The following KCP variants were observed in gnomAD, a reference collection of about 807,000 sequenced individuals.
KCP encodes kielin cysteine rich BMP regulator, also known as kielin/chordin-like protein.
KCP carries 194 observed loss-of-function variants against 212.7 expected under a neutral mutation model. That is an observed-to-expected ratio of 0.91 (90% confidence interval 0.81 to 1.03). The LOEUF is 1.03. KCP is among the 50% of genes least tolerant of loss of function. KCP has a pLI of 0.00. For synonymous variants in KCP, 833 were observed against 865.3 expected (o/e 0.96, Z 0.65); for missense variants, 2,080 against 2,162.5 (o/e 0.96, Z 0.76).
intron 34 of KCP, 77 bp downstream of exon 34, chr7:128,880,309 T>C (rs1793249121): frequency 6.9e-7 from 1 of 1,447,324 alleles, no homozygotes; most frequent in Non-Finnish European, 9.2e-7. Context: ...CCCTCTCTGA[T>C]GCCTGGTCAC....
In KCP at chr7:128,892,865, T is replaced by TCAC; in HGVS notation, c.1420+1_1420+3dup. On this transcript the variant is annotated splice_donor_region_variant and intron_variant, in intron 14 of 39. Coordinates refer to ENST00000610776, the MANE Select transcript of KCP (RefSeq NM_001366122.1). ...AGAAAGCCAGGATCAGCCCAGGCAC[T>TCAC]CACCAGGGGGCTGGGTGGGGTGCTG... is the stretch of plus-strand genomic sequence containing the variant. 1.3e-6 allele frequency: 2 copies of TCAC among 1,550,662 alleles called. No homozygotes were observed. The highest frequency in any genetic ancestry group is 2.4e-5 in the South Asian group (2 of 84,030).
At position 128,887,353 on chromosome 7, in the gene KCP, G is replaced by T. The variant is rs1585209065; in HGVS notation, c.2513-53C>A. 3.7e-5 allele frequency: 49 copies of T among 1,319,104 alleles called. No individual in the cohort carries two copies. The East Asian group carries it at 1.2e-3, about 32-fold the overall frequency. The allele number at this position is 1,319,104 out of a possible 1,614,324, so 81.7% of individuals were successfully genotyped here. ...AGCTGCCATCAACAGAACCTCCACT[G>T]TCACACACACACACAGCCCCTCCCC... On this transcript the variant is annotated intron_variant, in intron 22 of 39. Transcript: ENST00000610776.
chr7:128,891,210 C>T lies in KCP; in HGVS notation c.1947G>A (p.Pro649=). ...PLPCPEPVLL[P]GECCPQCPAA... is the part of the protein sequence containing the mutation. ...CTGGGCACTGCGGGCAGCACTCTCC[C>T]GGCAGCAGGACAGGCTCTGGACAGG... The change falls in exon 19 of 40, where the codon CCG becomes CCA. Residue 649 remains proline, a synonymous_variant. Transcript: ENST00000610776. The T allele has an allele frequency of 6.5e-7, 1 of 1,544,922 alleles. No individual in the cohort carries two copies. Among genetic ancestry groups the T allele is most frequent in the South Asian group, 1.2e-5 (1 of 84,030 alleles).
chr7:128,879,294 T>TA (rs1793174742), intron 37 of KCP: 1 of 553,438 alleles, frequency 1.8e-6, no homozygotes, highest in Admixed American at 3.1e-5. Flanking sequence ...GGTGGTGGCT[T>TA]AAGAGGCTGA....
Position 128,907,324 on chromosome 7 carries a change from A to T in KCP, c.349T>A (p.Cys117Ser). Residue 117 changes from cysteine to serine, a missense_variant, in exon 3 of 40, where the codon TGC becomes AGC. Physicochemically the swap from Cys to Ser is moderately radical, Grantham distance 112. Transcript: ENST00000610776. ...TGAGCGGCCCCATCCTGGCAGACGC[A>T]GGCTGTGCAGGCGTCAGGCTCCCAG... Reference protein sequence around the residue: ...ARWEPDACTACVCQDGAAHCG... With the variant: ...ARWEPDACTASVCQDGAAHCG... 6.5e-7 allele frequency: 1 copy of T among 1,541,974 alleles called. No individual in the cohort carries two copies.
intron 8 of KCP, among the ~76,000 whole-genome samples, chr7:128,896,618 C>T (rs1391947723): frequency 1.3e-5 from 2 of 152,048 alleles, no homozygotes; most frequent in South Asian, 2.1e-4. Context: ...TGGCCGGTCG[C>T]GGTGGCTCAC....
intron 2 of KCP, 130 bp downstream of exon 2, chr7:128,908,294 GAA>G (rs1795258294): frequency 1.5e-6 from 1 of 670,782 alleles, no homozygotes; most frequent in East Asian, 3.6e-5. Context: ...AAGAAAGAAA[GAA>G]AGAAAGAAAG....
chr7:128,908,251 G>GAAGAAAGA (rs370653893), intron 2 of KCP, among the ~76,000 whole-genome samples, 175 bp downstream of exon 2: 12,671 of 100,996 alleles, frequency 0.13, 1,075 homozygotes, highest in Middle Eastern at 0.14. Context: ...AAGAAAGAAA[G>GAAGAAAGA]AAGAAAGAAA....
At chr7:128,887,965 A>G (rs1793788838) in intron 22 of KCP, among the ~76,000 whole-genome samples, 2 of 147,700 alleles carry the variant, frequency 1.4e-5, no homozygotes, top group Admixed American at 1.4e-4. Flanking sequence ...CCCCACATAC[A>G]CAGATGCACA....
chr7:128,889,153 G>C, intron 21 of KCP, 114 bp from the exon 22 acceptor site: 1 of 800,224 alleles, frequency 1.2e-6, no homozygotes, highest in Non-Finnish European at 1.8e-6. Flanking sequence ...AAGATCTAGC[G>C]TGGGGGCTGG....
intron 37 of KCP, chr7:128,879,159 C>T: frequency 2.8e-6 from 1 of 357,108 alleles, no homozygotes; most frequent in Non-Finnish European, 5.1e-6. Flanking sequence ...ATTACTCTTC[C>T]ACATGAGAGT....
chr7:128,894,861 G>C (rs1485519676), intron 8 of KCP, among the ~76,000 whole-genome samples: 1 of 152,204 alleles, frequency 6.6e-6, no homozygotes, highest in East Asian at 1.9e-4. Flanking sequence ...ACCTGTCTTG[G>C]TCTCCCAAAG....
In KCP at chr7:128,877,779, C is replaced by A. The variant is rs1309523018; in HGVS notation, c.4323G>T (p.Gly1441=). 3.2e-6 allele frequency: 5 copies of A among 1,547,548 alleles called. No homozygotes were observed. Among genetic ancestry groups the A allele is most frequent in the African/African-American group, 2.7e-5 (2 of 73,024 alleles). Residue 1441 remains glycine, a synonymous_variant, in exon 39 of 40, where the codon GGG becomes GGT. Transcript: ENST00000610776. ...CAGAACAGGGCCGGCCAGGCCACAG[C>A]CCCTCTGAGACCTGGGTGGGGAGAG... The part of the protein sequence containing the change: ...AFGNSWQVSE[G]LWPGRPCSAG...
In KCP at chr7:128,894,400, A is replaced by G. The variant is rs1585232328; in HGVS notation, c.832-107T>C. The G allele has an allele frequency of 1.1e-5, 9 of 856,838 alleles. No individual in the cohort carries two copies. In the East Asian group the frequency reaches 2.4e-4, roughly 23 times the overall value. The allele number at this position is 856,838 out of a possible 1,614,324, so 53.1% of individuals were successfully genotyped here. On this transcript the variant is annotated intron_variant, in intron 8 of 39. Transcript: ENST00000610776. ...CTTATTAGATGTGTTTATGGGTTGA[A>G]TTGTGTGTCCCCGCCCCCAAATCCA... is the stretch of plus-strand genomic sequence containing the variant.
intron 2 of KCP, among the ~76,000 whole-genome samples, 178 bp downstream of exon 2, chr7:128,908,248 A>AAAG (rs1554420448): frequency 1.3e-5 from 1 of 79,014 alleles, no homozygotes; most frequent in African/African-American, 5.3e-5. Flanking sequence ...AGGAAGAAAG[A>AAAG]AAGAAGAAAG....
intron 18 of KCP, 47 bp from the exon 19 acceptor site, chr7:128,891,325 G>T: frequency 1.3e-6 from 2 of 1,546,942 alleles, no homozygotes; most frequent in Non-Finnish European, 1.7e-6. Flanking sequence ...AGTTGGGGGA[G>T]GCCGAGGAGA....
intron 8 of KCP, among the ~76,000 whole-genome samples, chr7:128,897,814 G>T (rs1477244774): frequency 6.6e-6 from 1 of 152,180 alleles, no homozygotes. Context: ...TGCAAAGAAG[G>T]TTATAAAGCA....
At chr7:128,891,416 T>C (rs1456304412) in intron 18 of KCP, 35 bp downstream of exon 18, 1 of 1,546,604 alleles carries the variant, frequency 6.5e-7, no homozygotes, top group Admixed American at 2.0e-5. Flanking sequence ...CCGCCTCCAC[T>C]CCCCTGGGCG....
chr7:128,891,542 G>A lies in KCP; in HGVS notation c.1796-9C>T, dbSNP rs1215301306. On this transcript the variant is annotated splice_polypyrimidine_tract_variant and intron_variant, in intron 17 of 39. Transcript: ENST00000610776. ...CCCGCCAAAGGCACAGCCTGGGGGA[G>A]GGAGGGGCTATAGCCTGGGAGAGGG... is the stretch of plus-strand genomic sequence containing the variant. The A allele has an allele frequency of 1.9e-6, 3 of 1,546,792 alleles. No individual in the cohort carries two copies. The highest frequency in any genetic ancestry group is 2.6e-6 in the Non-Finnish European group (3 of 1,144,290).
Sources: gnomAD v4.1 joint callset for allele counts (sites outside exome capture counted in the v4.1 genomes callset) on GRCh38, gnomAD v4.1.1 for gene constraint, MANE v1.5 for transcripts, NCBI Gene and HGNC (gene_info 2026-07-23, HGNC 2026-07-21) for gene names.